The following NR1I3 variants were observed in gnomAD, a reference collection of about 807,000 sequenced individuals.
The protein encoded by NR1I3 is nuclear receptor subfamily 1 group I member 3.
A neutral mutation model predicts 38.4 loss-of-function variants in NR1I3; 30 were observed. The observed-to-expected ratio is 0.78, with a 90% CI of 0.58 to 1.06. The LOEUF is 1.06. Ranked by LOEUF, NR1I3 falls within the 50% of genes least tolerant of loss-of-function variation. The pLI is 0.00. For missense variants in NR1I3, 388 were observed against 435.7 expected (o/e 0.89, Z 0.97); for synonymous variants, 143 against 165.1 (o/e 0.87, Z 1.03).
Position 161,231,425 on chromosome 1 carries a change from C to T in NR1I3, c.598G>A (p.Glu200Lys). Reference protein sequence around the residue: ...QISLLKGAAVEICHIVLNTTF... With the variant: ...QISLLKGAAVKICHIVLNTTF... Reference sequence around the variant, plus strand: ...GTATTGAGTACGATGTGACAGATTTCCACAGCTGCTCCCTTGAGAAGGGAG... The same window carrying T: ...GTATTGAGTACGATGTGACAGATTTTCACAGCTGCTCCCTTGAGAAGGGAG... The change falls in exon 6 of 9, where the codon GAA becomes AAA. Residue 200 changes from glutamate (E) to lysine (K), a missense_variant. Transcript: ENST00000367983. 3 of 1,571,950 alleles carry T rather than the reference C, an allele frequency of 1.9e-6. No homozygotes were observed. The highest frequency in any genetic ancestry group is 2.6e-6 in the Non-Finnish European group (3 of 1,166,762).
chr1:161,231,159 G>T lies in NR1I3; in HGVS notation c.769C>A (p.Pro257Thr). The change falls in exon 7 of 9, where the codon CCT becomes ACT. Residue 257 changes from proline (P) to threonine (T), a missense_variant. Transcript: ENST00000367983. ...GTLRKLQLQEPEYVLLAAMAL... is the reference protein window; with the variant it reads ...GTLRKLQLQETEYVLLAAMAL... ...ATGGCAGCCAAGAGCACATACTCAG[G>T]CTCTTGGAGCTGCAGTTTTCGTAGT... 6.2e-7 allele frequency: 1 copy of T among 1,614,136 alleles called. No homozygotes were observed. The highest frequency in any genetic ancestry group is 8.5e-7 in the Non-Finnish European group (1 of 1,180,028).
chr1:161,236,043 T>G, intron 2 of NR1I3, 66 bp from the exon 3 acceptor site: 1 of 1,520,386 alleles, frequency 6.6e-7, no homozygotes, highest in Non-Finnish European at 8.8e-7. Flanking sequence ...TGAGATGACA[T>G]GGTCTAAAAG....
chr1:161,231,087 A>G lies in NR1I3; in HGVS notation c.811+30T>C, dbSNP rs372606215. ...AGTATTTGGGCAGAGGTGGTGCAGC[A>G]AAAGGCTCTGGGCTTTGGGAGGTGC... On this transcript the variant is annotated intron_variant, in intron 7 of 8. Coordinates refer to ENST00000367983, the MANE Select transcript of NR1I3 (RefSeq NM_005122.5). 12 of 1,613,978 alleles carry G rather than the reference A, an allele frequency of 7.4e-6. No individual in the cohort carries two copies. In the African/African-American group the frequency reaches 1.6e-4, roughly 22 times the overall value.
chr1:161,235,250 C>G (rs1326889386), intron 3 of NR1I3: 1 of 118,180 alleles, frequency 8.5e-6, no homozygotes, highest in Non-Finnish European at 1.7e-5. Flanking sequence ...GAAGAGTGCG[C>G]TTGGTGTTTT....
chr1:161,236,919 T>A (rs557135134), intron 1 of NR1I3, among the ~76,000 whole-genome samples: 193 of 151,596 alleles, frequency 1.3e-3, no homozygotes, highest in African/African-American at 2.2e-3. Context: ...TTATTTATTT[T>A]TTTTGTAGAG....
At chr1:161,233,029 C>A in intron 4 of NR1I3, 83 bp from the exon 5 acceptor site, 1 of 1,591,454 alleles carries the variant, frequency 6.3e-7, no homozygotes, top group Non-Finnish European at 8.6e-7. Context: ...GGAAGAGTTC[C>A]TTGCTGAGAA....
Position 161,231,349 on chromosome 1 carries a change from G to A in NR1I3, c.674C>T (p.Thr225Ile). 6.4e-7 allele frequency: 1 copy of A among 1,573,932 alleles called. No individual in the cohort carries two copies. The highest frequency in any genetic ancestry group is 8.6e-7 in the Non-Finnish European group (1 of 1,161,832). The change falls in exon 6 of 9, where the codon ACA becomes ATA. Residue 225 changes from threonine to isoleucine, a missense_variant. Physicochemically the swap from Thr to Ile is moderately conservative, Grantham distance 89 (BLOSUM62 -1). Transcript: ENST00000367983. ...QNFLCGPLRYTIEDGARVGFQ... is the reference protein window; with the variant it reads ...QNFLCGPLRYIIEDGARVGFQ... ...CTCACCACGGGCTCCATCTTCAATT[G>A]TGTAGCGAAGAGGCCCGCAGAGGAA...
intron 8 of NR1I3, chr1:161,230,246 T>C (rs994559425): frequency 1.3e-4 from 51 of 380,952 alleles, no homozygotes; most frequent in Non-Finnish European, 2.2e-4. Flanking sequence ...GAGCAGGTTC[T>C]AGAAGGTGGA....
At chr1:161,231,769 T>C (rs558665457) in intron 5 of NR1I3, among the ~76,000 whole-genome samples, 1 of 152,188 alleles carries the variant, frequency 6.6e-6, no homozygotes, top group South Asian at 2.1e-4. Flanking sequence ...CTCAAAGTGC[T>C]GGGATTACAG....
intron 3 of NR1I3, among the ~76,000 whole-genome samples, chr1:161,233,871 GTGTGTGTGTGTGTGTGTA>G (rs1385557217): frequency 1.8e-3 from 261 of 145,126 alleles, no homozygotes; most frequent in Non-Finnish European, 3.0e-3. Context: ...GTGTGTGTGT[GTGTGTGTGTGTGTGTGTA>G]TATGTGTGTG....
rs762797428 is a variant in NR1I3, at chr1:161,230,916, G to A, written c.814C>T (p.Arg272Ter). The A allele has an allele frequency of 2.4e-5, 38 of 1,613,944 alleles. No homozygotes were observed. Among genetic ancestry groups the A allele is most frequent in the Non-Finnish European group, 2.8e-5 (33 of 1,180,016 alleles). The change falls in exon 8 of 9, where the codon CGA becomes TGA. Residue 272 changes from arginine to a stop codon, truncating the protein, a stop_gained and splice_region_variant. Coordinates refer to ENST00000367983, the MANE Select transcript of NR1I3 (RefSeq NM_005122.5). LOFTEE classifies it high-confidence loss of function. ...LAAMALFSPD[R>*]PGVTQRDEID... ...TCATCTCTCTGGGTAACTCCAGGTC[G>A]GTCTGTAAGATAGGGAGCTGGGAAG... is the stretch of plus-strand genomic sequence containing the variant.
At chr1:161,237,176 T>C (rs1668762364) in intron 1 of NR1I3, among the ~76,000 whole-genome samples, 8 of 150,002 alleles carry the variant, frequency 5.3e-5, no homozygotes, top group Admixed American at 5.3e-4. Context: ...CTTCCTTCCT[T>C]CCTCCCTCCC....
intron 1 of NR1I3, among the ~76,000 whole-genome samples, chr1:161,237,498 T>A (rs183810122): frequency 6.6e-6 from 1 of 151,528 alleles, no homozygotes; most frequent in African/African-American, 2.4e-5. Context: ...GGTGGGCGGA[T>A]CACCAGGTCA....
Position 161,236,519 on chromosome 1 carries a change from T to TC in NR1I3, c.46dup (p.Asp16GlyfsTer9), listed in dbSNP as rs1342021674. The TC allele has an allele frequency of 4.3e-6, 7 of 1,614,128 alleles. No homozygotes were observed. The highest frequency in any genetic ancestry group is 5.9e-6 in the Non-Finnish European group (7 of 1,180,016). ...ATTAAAGTGGTAGCCTGTGGCTTGG[T>TC]CCCCACATACCACACAGTTCCTCAG... On this transcript the variant is annotated frameshift_variant, in exon 2 of 9. Transcript: ENST00000367983. LOFTEE classifies it high-confidence loss of function.
At chr1:161,233,704 T>C (rs1667858026) in intron 3 of NR1I3, among the ~76,000 whole-genome samples, 1 of 151,994 alleles carries the variant, frequency 6.6e-6, no homozygotes, top group African/African-American at 2.4e-5. Context: ...AAATAATCCT[T>C]CAAAAATAAT....
At chr1:161,234,700 T>A (rs1668212117) in intron 3 of NR1I3, among the ~76,000 whole-genome samples, 2 of 152,174 alleles carry the variant, frequency 1.3e-5, no homozygotes, top group Non-Finnish European at 2.9e-5. Flanking sequence ...GCCACCGTGC[T>A]CGGCCTGCAC....
rs1558106214 is a variant in NR1I3 at position 161,230,819 on chromosome 1, C to CG, written c.910dup (p.Arg304ProfsTer15). 1 of 1,614,118 alleles carries CG rather than the reference C, an allele frequency of 6.2e-7. No homozygotes were observed. The highest frequency in any genetic ancestry group is 8.5e-7 in the Non-Finnish European group (1 of 1,180,032). On this transcript the variant is annotated frameshift_variant, in exon 8 of 9. Coordinates refer to ENST00000367983, the MANE Select transcript of NR1I3 (RefSeq NM_005122.5). LOFTEE classifies it high-confidence loss of function. ...CCTCAGTGTCCCACCGTACCGATCC[C>CG]GGGGCCTTCGCTGCTGGCCCTTGAT...
intron 5 of NR1I3, among the ~76,000 whole-genome samples, chr1:161,231,798 G>A (rs537850294): frequency 2.0e-5 from 3 of 151,714 alleles, no homozygotes; most frequent in Admixed American, 1.3e-4. Flanking sequence ...CACTGCACCC[G>A]GCCCACTTTT....
chr1:161,232,604 G>A lies in NR1I3; in HGVS notation c.548+203C>T, dbSNP rs189565126. Among the ~76,000 whole-genome samples the A allele has an allele frequency of 1.1e-4, 17 of 152,282 alleles. No homozygotes were observed. In the East Asian group the frequency reaches 3.3e-3, roughly 29 times the overall value. On this transcript the variant is annotated intron_variant, in intron 5 of 8. Transcript: ENST00000367983. ...TGAGCCACTGCGCGGCACCTCAAGG[G>A]CACTTTAGATGCAAGCCTGTACTTC...
Sources: allele counts gnomAD v4.1 joint callset (sites outside exome capture counted in the v4.1 genomes callset), GRCh38; gene constraint gnomAD v4.1.1; transcripts MANE v1.5; gene names NCBI Gene and HGNC (gene_info 2026-07-23, HGNC 2026-07-21).